SIDT2: variants seen among roughly 807,000 people sequenced by gnomAD.
SIDT2 encodes SID1 transmembrane family, member 2.
SIDT2 carries 68 observed loss-of-function variants against 114.4 expected under a neutral mutation model. The observed-to-expected ratio is 0.59, with a 90% CI of 0.49 to 0.73. The LOEUF (loss-of-function observed/expected upper bound fraction) is 0.73. Ranked by LOEUF, SIDT2 falls within the 30% of genes least tolerant of loss-of-function variation. SIDT2 has a pLI of 0.00. For missense variants in SIDT2, 918 were observed against 1,097.1 expected, an observed-to-expected ratio of 0.84 and a Z score of 2.31; for synonymous variants, 470 against 438.4, an observed-to-expected ratio of 1.07 and a Z score of -0.90.
chr11:117,179,859 C>T (rs944024803), intron 1 of SIDT2: 3 of 160,672 alleles, frequency 1.9e-5, no homozygotes, highest in Non-Finnish European at 4.1e-5. Context: ...TCTGTGCAGG[C>T]AAGTTACATC....
chr11:117,182,427 G>T, intron 4 of SIDT2, 92 bp from the exon 5 acceptor site: 1 of 1,151,632 alleles, frequency 8.7e-7, no homozygotes, highest in Non-Finnish European at 1.3e-6. Context: ...AGAGGATTCT[G>T]GGTCCTCGCT....
chr11:117,191,851 A>G, intron 18 of SIDT2, 27 bp from the exon 19 acceptor site: 2 of 1,609,840 alleles, frequency 1.2e-6, no homozygotes, highest in Non-Finnish European at 1.7e-6. Flanking sequence ...CCATTTCTGC[A>G]GCTCCCTTCC....
At position 117,188,684 on chromosome 11, in the gene SIDT2, CCCCT is replaced by C. The variant is rs762112197; in HGVS notation, c.1160-15_1160-12del. 5.0e-6 allele frequency: 8 copies of C among 1,585,942 alleles called. No homozygotes were observed. The highest frequency in any genetic ancestry group is 6.9e-6 in the Non-Finnish European group (8 of 1,154,402). On this transcript the variant is annotated intron_variant, in intron 12 of 25. Coordinates refer to ENST00000324225, the MANE Select transcript of SIDT2 (RefSeq NM_001040455.2). This position sits in a 1 kb window ranked among gnomAD's most constrained non-coding sequence, Gnocchi z 4.0. ...GTGGGTTTTGTGTCCACCGGTGCAACCCCTCCCTCCCTGCCCTTTCCAGGCCGCT... is the reference window on the plus strand; with the variant it reads ...GTGGGTTTTGTGTCCACCGGTGCAACCCCTCCCTGCCCTTTCCAGGCCGCT...
Position 117,192,526 on chromosome 11 carries a change from A to G in SIDT2, c.1982-48A>G. 6.3e-7 allele frequency: 1 copy of G among 1,599,208 alleles called. No homozygotes were observed. Among genetic ancestry groups the G allele is most frequent in the African/African-American group, 1.3e-5 (1 of 74,914 alleles). ...AGCTGGCACATCCCAGGGGTCCAGC[A>G]AAGGAGGGTGCCCCGTGCCTGTCAG... On this transcript the variant is annotated intron_variant, in intron 20 of 25. Transcript: ENST00000324225. This position sits in a 1 kb window ranked among gnomAD's most constrained non-coding sequence, Gnocchi z 5.9.
rs756529381 is a variant in SIDT2 at position 117,190,670 on chromosome 11, A to G, written c.1665A>G (p.Thr555=). The change falls in exon 18 of 26, where the codon ACA becomes ACG. Residue 555 remains threonine, a synonymous_variant. Coordinates refer to ENST00000324225, the MANE Select transcript of SIDT2 (RefSeq NM_001040455.2). The surrounding 1 kb of genome is among the most constrained non-coding windows in gnomAD (Gnocchi z 4.1). The stretch of plus-strand genomic sequence containing the variant: ...TTGGGCTTTTCTACGCCATGGGCAC[A>G]GCCCTGATGATGGAGGGGCTGCTCA... The part of the protein sequence containing the change: ...KHFGLFYAMG[T]ALMMEGLLSA... The G allele has an allele frequency of 5.6e-6, 9 of 1,611,660 alleles. No homozygotes were observed. Among genetic ancestry groups the G allele is most frequent in the Admixed American group, 1.7e-5 (1 of 59,612 alleles).
At chr11:117,195,960 C>T (rs2030881616) in intron 25 of SIDT2, 44 bp from the exon 26 acceptor site, 1 of 1,614,126 alleles carries the variant, frequency 6.2e-7, no homozygotes, top group African/African-American at 1.3e-5. Flanking sequence ...GTGAAGGTAG[C>T]AGCTGCCTCC....
At chr11:117,185,989 C>T (rs1384967466) in intron 8 of SIDT2, 141 bp from the exon 9 acceptor site, 1 of 609,686 alleles carries the variant, frequency 1.6e-6, no homozygotes, top group Non-Finnish European at 2.9e-6. Context: ...GTTGTTCATA[C>T]TGGCTAGGCA....
intron 24 of SIDT2, among the ~76,000 whole-genome samples, chr11:117,194,733 C>T (rs893551185): frequency 3.3e-5 from 5 of 152,106 alleles, no homozygotes; most frequent in Admixed American, 6.5e-5. Flanking sequence ...CGGGTCTCTC[C>T]GAGTTAGGAG....
Position 117,188,084 on chromosome 11 carries a change from T to C in SIDT2, c.1159+385T>C. The C allele has an allele frequency of 2.3e-6, 1 of 440,606 alleles. No homozygotes were observed. The highest frequency in any genetic ancestry group is 1.8e-5 in the South Asian group (1 of 56,794). The allele number at this position is 440,606 out of a possible 1,614,324, so 27.3% of individuals were successfully genotyped here. A position where few individuals can be genotyped will look rare whatever the true frequency, so the allele number is the denominator to read the frequency against. ...ATGTAATTCCAGTAATTGCCCGCTC[T>C]TGTGTCTTCTGAGATAGCAGCAGAG... On this transcript the variant is annotated intron_variant, in intron 12 of 25. Transcript: ENST00000324225. This position sits in a 1 kb window ranked among gnomAD's most constrained non-coding sequence, Gnocchi z 4.0.
At chr11:117,195,946 G>A (rs1413921144) in intron 25 of SIDT2, 31 bp downstream of exon 25, 3 of 1,614,110 alleles carry the variant, frequency 1.9e-6, no homozygotes, top group African/African-American at 2.7e-5. Flanking sequence ...AGCCGGGTGG[G>A]TACGTGAAGG....
In SIDT2 at chr11:117,184,111, G is replaced by T; in HGVS notation, c.840G>T (p.Leu280=). 3 of 1,614,200 alleles carry T rather than the reference G, an allele frequency of 1.9e-6. No homozygotes were observed. The highest frequency in any genetic ancestry group is 2.5e-6 in the Non-Finnish European group (3 of 1,180,028). The change falls in exon 8 of 26, where the codon CTG becomes CTT. Residue 280 remains leucine, a synonymous_variant. Transcript: ENST00000324225. ...ATCAAGGGCACCGCCAGAAAACCCTGTCAGTGCTGGTGTCTCAAGCAGTCA... is the reference window on the plus strand; with the variant it reads ...ATCAAGGGCACCGCCAGAAAACCCTTTCAGTGCTGGTGTCTCAAGCAGTCA... ...PVDQGHRQKT[L]SVLVSQAVTS...
At chr11:117,184,317 G>C (rs1284930869) in intron 8 of SIDT2, among the ~76,000 whole-genome samples, 178 bp downstream of exon 8, 3 of 152,162 alleles carry the variant, frequency 2.0e-5, no homozygotes, top group African/African-American at 7.2e-5. Context: ...GTGAGTTCCA[G>C]TGTGATGTGG....
chr11:117,189,751 C>T (rs982888797), intron 15 of SIDT2: 4 of 613,250 alleles, frequency 6.5e-6, no homozygotes, highest in Non-Finnish European at 1.2e-5. Flanking sequence ...GGGTTTTCAG[C>T]CACGCCTAAT....
rs1180887031 is a variant in SIDT2, at chr11:117,193,883, C to G, written c.2242C>G (p.Pro748Ala). 1.9e-6 allele frequency: 3 copies of G among 1,614,116 alleles called. No individual in the cohort carries two copies. The highest frequency in any genetic ancestry group is 2.5e-6 in the Non-Finnish European group (3 of 1,180,024). Residue 748 changes from proline to alanine, a missense_variant, in exon 24 of 26, where the codon CCC (proline) becomes GCC (alanine). Transcript: ENST00000324225. ...GAGTGGGGAGAGGATCAAGCTCATC[C>G]CCCTGCTCTGCATCGTTTGCACCTC... ...LRSGERIKLIPLLCIVCTSVV... is the reference protein window; with the variant it reads ...LRSGERIKLIALLCIVCTSVV...
rs1327010646 is a variant in SIDT2 at position 117,178,872 on chromosome 11, C to T, written c.-392C>T. The T allele has an allele frequency of 9.8e-6, 2 of 204,862 alleles. No homozygotes were observed. The highest frequency in any genetic ancestry group is 1.0e-5 in the Non-Finnish European group (1 of 100,242). 12.7% of individuals were successfully genotyped at this position (204,862 alleles called of 1,614,324 possible). On this transcript the variant is annotated 5_prime_UTR_variant, in exon 1 of 26. Coordinates refer to ENST00000324225, the MANE Select transcript of SIDT2 (RefSeq NM_001040455.2). Reference sequence around the variant, plus strand: ...CCTCACTCTGCGACTCGCCTTCCTCCGCGGCCAGCCCCCGCCGCCGGCTCT... The same window carrying T: ...CCTCACTCTGCGACTCGCCTTCCTCTGCGGCCAGCCCCCGCCGCCGGCTCT...
chr11:117,191,106 T>TC, intron 18 of SIDT2: 1 of 161,986 alleles, frequency 6.2e-6, no homozygotes, highest in Non-Finnish European at 1.3e-5. Context: ...TGAAACCCCG[T>TC]CTCTACTAAA....
chr11:117,179,675 C>A (rs1053989295), intron 1 of SIDT2: 2 of 525,644 alleles, frequency 3.8e-6, no homozygotes, highest in African/African-American at 3.8e-5. Context: ...TTCCCATCTT[C>A]TCTTCCGCCC....
At chr11:117,182,190 C>T (rs2030315770) in intron 4 of SIDT2, 85 bp downstream of exon 4, 3 of 1,499,654 alleles carry the variant, frequency 2.0e-6, no homozygotes, top group Non-Finnish European at 2.7e-6. Context: ...CTTTGCTTGG[C>T]CTTTTGAATT....
intron 24 of SIDT2, among the ~76,000 whole-genome samples, chr11:117,195,085 CAAAAAAAAAAAAAAAA>C (rs55970874): frequency 4.4e-5 from 2 of 45,700 alleles, no homozygotes; most frequent in African/African-American, 1.3e-4. Context: ...GACTCTGTCT[CAAAAAAAAAAAAAAAA>C]AAAAAAAAAA....
Sources: allele counts gnomAD v4.1 joint callset (sites outside exome capture counted in the v4.1 genomes callset), GRCh38; gene constraint gnomAD v4.1.1; non-coding constraint Gnocchi (gnomAD v3.1); transcripts MANE v1.5; gene names NCBI Gene and HGNC (gene_info 2026-07-23, HGNC 2026-07-21).